The following ERCC6 variants were observed in gnomAD, a reference collection of about 807,000 sequenced individuals.
The protein encoded by ERCC6 is DNA excision repair protein ERCC-6.
A neutral mutation model predicts 158.7 loss-of-function variants in ERCC6; 116 were observed. The ratio of observed to expected loss-of-function variants is 0.73; its 90% confidence interval spans 0.63 to 0.85. ERCC6 has a LOEUF of 0.85. Among genes scored for constraint, ERCC6 ranks in the 40% least tolerant of loss-of-function variants. The pLI, the probability that ERCC6 is intolerant of heterozygous loss-of-function variation, is 0.00. For synonymous variants in ERCC6, 678 were observed against 659.3 expected, an observed-to-expected ratio of 1.03 and a Z score of -0.43; for missense variants, 1,698 against 1,799.4, an observed-to-expected ratio of 0.94 and a Z score of 1.02.
chr10:49,483,686 C>T (rs544737344), intron 8 of ERCC6, among the ~76,000 whole-genome samples, 170 bp from the exon 9 acceptor site: 20 of 152,060 alleles, frequency 1.3e-4, no homozygotes, highest in African/African-American at 4.6e-4. Flanking sequence ...AAGTAGTAAA[C>T]GCTGACTAAT....
intron 10 of ERCC6, among the ~76,000 whole-genome samples, chr10:49,479,838 A>G (rs1349213586): frequency 6.6e-6 from 1 of 152,080 alleles, no homozygotes; most frequent in Non-Finnish European, 1.5e-5. Flanking sequence ...TTCACTCCCA[A>G]CTGGCTCCCA....
intron 5 of ERCC6, among the ~76,000 whole-genome samples, chr10:49,518,303 G>A (rs894074245): frequency 1.3e-5 from 2 of 152,202 alleles, no homozygotes; most frequent in Non-Finnish European, 2.9e-5. Context: ...ATGCTTGTCC[G>A]AGTCTGCTGC....
At chr10:49,524,910 A>C in intron 4 of ERCC6, 133 bp from the exon 5 acceptor site, 1 of 1,525,024 alleles carries the variant, frequency 6.6e-7, no homozygotes, top group Non-Finnish European at 8.8e-7. Context: ...CCATGTACTA[A>C]AGCATGTTAC....
At chr10:49,468,579 A>T (rs1850717885) in intron 18 of ERCC6, among the ~76,000 whole-genome samples, 2 of 152,236 alleles carry the variant, frequency 1.3e-5, no homozygotes, top group Admixed American at 1.3e-4. Context: ...AGACATAGAG[A>T]CAGGTGTATC....
At chr10:49,477,194 G>A (rs1850894221) in intron 11 of ERCC6, among the ~76,000 whole-genome samples, 1 of 152,054 alleles carries the variant, frequency 6.6e-6, no homozygotes, top group Non-Finnish European at 1.5e-5. Flanking sequence ...AAAACAAAAT[G>A]AAAATCAAAC....
At chr10:49,499,980 CAAAAACAAGAGA>C (rs2132574322) in intron 7 of ERCC6, among the ~76,000 whole-genome samples, 1 of 151,624 alleles carries the variant, frequency 6.6e-6, no homozygotes, top group East Asian at 1.9e-4. Flanking sequence ...TAACTTCATT[CAAAAACAAGAGA>C]GAGAGCAAGC....
chr10:49,520,346 C>T (rs558591125), intron 5 of ERCC6, among the ~76,000 whole-genome samples: 1 of 152,200 alleles, frequency 6.6e-6, no homozygotes, highest in Non-Finnish European at 1.5e-5. Flanking sequence ...GTTGCCCTCA[C>T]TGTAGTCTGC....
chr10:49,463,165 C>T (rs4253215), intron 18 of ERCC6, among the ~76,000 whole-genome samples: 1 of 151,918 alleles, frequency 6.6e-6, no homozygotes, highest in African/African-American at 2.4e-5. Context: ...GGATGGGCCC[C>T]AAGTCTAAAC....
chr10:49,532,997 A>G lies in ERCC6; in HGVS notation c.-14-19T>C. ...AGACTACCTAAAAGGAAAAAAATTT[A>G]TAAGCCTTTTCGTTATATAGGATTC... is the stretch of plus-strand genomic sequence containing the variant. On this transcript the variant is annotated intron_variant, in intron 1 of 20. Transcript: ENST00000355832. The G allele has an allele frequency of 6.2e-7, 1 of 1,613,440 alleles. No homozygotes were observed. Among genetic ancestry groups the G allele is most frequent in the Non-Finnish European group, 8.5e-7 (1 of 1,179,748 alleles).
At chr10:49,517,510 T>C (rs1161211697) in intron 5 of ERCC6, among the ~76,000 whole-genome samples, 3 of 152,342 alleles carry the variant, frequency 2.0e-5, no homozygotes, top group African/African-American at 7.2e-5. Flanking sequence ...AGGGCATGAA[T>C]AACTCCCACA....
At chr10:49,505,688 A>T in intron 6 of ERCC6, 196 bp downstream of exon 6, 1 of 628,436 alleles carries the variant, frequency 1.6e-6, no homozygotes, top group Non-Finnish European at 2.7e-6. Flanking sequence ...CCCAATGCAC[A>T]TTTTAGTCAA....
At chr10:49,473,412 C>T (rs1042662818) in intron 14 of ERCC6, 65 bp downstream of exon 14, 25 of 1,065,456 alleles carry the variant, frequency 2.3e-5, no homozygotes, top group Middle Eastern at 2.0e-4. Context: ...GGTGTGGATA[C>T]GCTTAGTCCT....
chr10:49,449,558 G>GTTTTTTTT (rs1180100357), downstream of ERCC6, among the ~76,000 whole-genome samples: 1 of 105,158 alleles, frequency 9.5e-6, no homozygotes, highest in African/African-American at 4.0e-5. Flanking sequence ...TGATAGTTAG[G>GTTTTTTTT]TCTTTTTTTT....
intron 19 of ERCC6, 83 bp downstream of exon 19, chr10:49,461,269 T>C (rs925196988): frequency 8.9e-6 from 12 of 1,349,420 alleles, no homozygotes; most frequent in Middle Eastern, 5.1e-4. Context: ...AATAACAGTA[T>C]AAGCCTCCAC....
At chr10:49,447,465 A>T in the ERCC6 span, among the ~76,000 whole-genome samples, 82 of 152,286 alleles carry the variant, frequency 5.4e-4, no homozygotes, top group African/African-American at 1.9e-3. Flanking sequence ...AGGCGGGCAG[A>T]TCACAAGGTC....
chr10:49,461,959 A>G (rs1850590882), intron 18 of ERCC6, among the ~76,000 whole-genome samples: 2 of 152,194 alleles, frequency 1.3e-5, no homozygotes, highest in South Asian at 4.1e-4. Flanking sequence ...GAGTAGAATG[A>G]CTCAATAACC....
Position 49,522,781 on chromosome 10 carries a change from G to A in ERCC6, c.1397+1252C>T, listed in dbSNP as rs572119826. Among the ~76,000 whole-genome samples the A allele has an allele frequency of 5.3e-5, 8 of 152,242 alleles. No homozygotes were observed. In the East Asian group the frequency reaches 1.4e-3, roughly 26 times the overall value. On this transcript the variant is annotated intron_variant, in intron 5 of 20. Coordinates refer to ENST00000355832, the MANE Select transcript of ERCC6 (RefSeq NM_000124.4). Reference sequence around the variant, plus strand: ...CACCGCTCACTGTTCAAGAGTACTGGGCAACATTCCTCAAACAACTTCACA... The same window carrying A: ...CACCGCTCACTGTTCAAGAGTACTGAGCAACATTCCTCAAACAACTTCACA...
chr10:49,498,288 T>C (rs901030370), intron 7 of ERCC6, among the ~76,000 whole-genome samples: 1 of 152,190 alleles, frequency 6.6e-6, no homozygotes, highest in African/African-American at 2.4e-5. Flanking sequence ...CATCTCAAAT[T>C]AGGGCCCCTC....
rs753296620 is a variant in ERCC6, at chr10:49,461,492, C to G, written c.3843G>C (p.Leu1281=). The G allele has an allele frequency of 6.2e-7, 1 of 1,614,142 alleles. No homozygotes were observed. Among genetic ancestry groups the G allele is most frequent in the Admixed American group, 1.7e-5 (1 of 60,020 alleles). ...IMDGASPDYV[L]VEAEANRVAQ... is the part of the protein sequence containing the mutation. ...CCACTCGGTTGGCTTCTGCCTCCAC[C>G]AGTACATAATCTGGGCTGGCTCCAT... Residue 1281 remains leucine (L), a synonymous_variant, in exon 19 of 21, where the codon CTG becomes CTC. Coordinates refer to ENST00000355832, the MANE Select transcript of ERCC6 (RefSeq NM_000124.4).
Sources: gnomAD v4.1 joint callset for allele counts (sites outside exome capture counted in the v4.1 genomes callset) on GRCh38, gnomAD v4.1.1 for gene constraint, MANE v1.5 for transcripts, NCBI Gene and HGNC (gene_info 2026-07-23, HGNC 2026-07-21) for gene names.